The following PPFIA2 variants were observed in gnomAD, a reference collection of about 807,000 sequenced individuals.
PPFIA2 encodes the protein liprin-alpha-2.
A neutral mutation model predicts 175.5 loss-of-function variants in PPFIA2; 46 were observed. The observed-to-expected ratio is 0.26, with a 90% CI of 0.21 to 0.34. The LOEUF is 0.34. Ranked by LOEUF, PPFIA2 falls within the 10% of genes least tolerant of loss-of-function variation. The pLI is 1.00. For synonymous variants in PPFIA2, 568 were observed against 511.4 expected, an observed-to-expected ratio of 1.11 and a Z score of -1.49; for missense variants, 1,179 against 1,506.1, an observed-to-expected ratio of 0.78 and a Z score of 3.60.
At chr12:81,302,092 C>A in intron 22 of PPFIA2, 2 of 305,886 alleles carry the variant, frequency 6.5e-6, no homozygotes, top group East Asian at 9.8e-5. Context: ...AACAAAATGC[C>A]AATCAGTGTT....
At chr12:81,436,326 A>G (rs2049012276) in intron 7 of PPFIA2, among the ~76,000 whole-genome samples, 1 of 133,256 alleles carries the variant, frequency 7.5e-6, no homozygotes, top group East Asian at 2.2e-4. Flanking sequence ...AAAAAAAAAA[A>G]AAAGTTAAAT....
chr12:81,676,823 C>A lies in PPFIA2; in HGVS notation c.271G>T (p.Gly91Trp). ...TCAGCCCCCTTAGAACCAGCCAGCC[C>A]TCCTGTTAGGGATTCGATATCCTGA... is the stretch of plus-strand genomic sequence containing the variant. The part of the protein sequence containing the change: ...LPQDIESLTG[G>W]LAGSKGADPP... Residue 91 changes from glycine (G) to tryptophan (W), a missense_variant, in exon 4 of 33, where the codon GGG (glycine) becomes TGG (tryptophan). By Grantham distance (184) the Gly-to-Trp change is radical. This residue lies in a region of PPFIA2 where 128 missense variants were observed against 141.4 expected (regional missense o/e 0.91). Transcript: ENST00000549396. 1 of 1,563,792 alleles carries A rather than the reference C, an allele frequency of 6.4e-7. No individual in the cohort carries two copies.
chr12:81,501,328 C>G (rs2060575006), intron 4 of PPFIA2, among the ~76,000 whole-genome samples: 1 of 152,268 alleles, frequency 6.6e-6, no homozygotes, highest in Non-Finnish European at 1.5e-5. Context: ...TTAGATGCCC[C>G]CTTCTCATCA....
At chr12:81,536,764 A>ATG (rs1393278546) in intron 4 of PPFIA2, among the ~76,000 whole-genome samples, 1 of 146,202 alleles carries the variant, frequency 6.8e-6, no homozygotes, top group Non-Finnish European at 1.5e-5. Flanking sequence ...ATATATATAT[A>ATG]TATAGTTTTG....
chr12:81,728,618 C>T (rs12311581), intron 3 of PPFIA2, among the ~76,000 whole-genome samples: 12 of 151,298 alleles, frequency 7.9e-5, no homozygotes, highest in Non-Finnish European at 1.0e-4. Flanking sequence ...CCTTGTATTT[C>T]CTATAGATTA....
intron 4 of PPFIA2, among the ~76,000 whole-genome samples, chr12:81,647,273 G>C (rs1012906501): frequency 1.3e-5 from 2 of 152,058 alleles, no homozygotes; most frequent in African/African-American, 4.8e-5. Flanking sequence ...CCACACTGAA[G>C]CATATTGAGA....
chr12:81,703,554 C>T (rs567584027), intron 3 of PPFIA2, among the ~76,000 whole-genome samples: 1 of 152,134 alleles, frequency 6.6e-6, no homozygotes, highest in Non-Finnish European at 1.5e-5. Context: ...TCACTGTTAT[C>T]ACATTCACCC....
intron 14 of PPFIA2, 100 bp from the exon 15 acceptor site, chr12:81,362,884 A>G (rs2031459213): frequency 1.5e-6 from 1 of 685,544 alleles, no homozygotes; most frequent in Admixed American, 2.9e-5. Flanking sequence ...AAAACTGAGG[A>G]TATATTTTTA....
At position 81,410,348 on chromosome 12, in the gene PPFIA2, C is replaced by T. The variant is rs117696425; in HGVS notation, c.646-4445G>A. ...GCTCCCCTTTTAAATTTGGGGTCTA[C>T]TAAATCAGAAGTTAATAGCGGGCTG... On this transcript the variant is annotated intron_variant, in intron 7 of 32. Transcript: ENST00000549396. Among the ~76,000 whole-genome samples, 229 of 152,154 alleles carry T rather than the reference C, an allele frequency of 1.5e-3. 3 individuals are homozygous for T. The East Asian group carries it at 0.028, about 19-fold the overall frequency.
chr12:81,352,984 C>T (rs369843067), intron 17 of PPFIA2, 135 bp downstream of exon 17: 31 of 692,296 alleles, frequency 4.5e-5, no homozygotes, highest in African/African-American at 9.0e-5. Flanking sequence ...TCAGTGTGTA[C>T]GGGGTGAGGT....
At chr12:81,546,502 C>T (rs533199345) in intron 4 of PPFIA2, 18 of 152,128 alleles carry the variant, frequency 1.2e-4, no homozygotes, top group African/African-American at 2.2e-4. Context: ...ATTTCCCCGC[C>T]GTAGAATTAC....
chr12:81,477,524 A>G (rs1195609307), intron 4 of PPFIA2, among the ~76,000 whole-genome samples: 1 of 152,168 alleles, frequency 6.6e-6, no homozygotes, highest in East Asian at 1.9e-4. Context: ...ATTCTGTATG[A>G]TATTGGCTGT....
chr12:81,377,685 C>A (rs143418336), intron 9 of PPFIA2, among the ~76,000 whole-genome samples: 1 of 152,142 alleles, frequency 6.6e-6, no homozygotes, highest in Non-Finnish European at 1.5e-5. Flanking sequence ...TTTTCCTCCA[C>A]GCTGCTGCCT....
intron 23 of PPFIA2, among the ~76,000 whole-genome samples, chr12:81,296,379 CAATT>C (rs1263877627): frequency 6.6e-6 from 1 of 152,130 alleles, no homozygotes; most frequent in Non-Finnish European, 1.5e-5. Context: ...TCTTGAAAGA[CAATT>C]AAACCAGCAG....
At chr12:81,577,657 G>C (rs2073788299) in intron 4 of PPFIA2, among the ~76,000 whole-genome samples, 1 of 151,776 alleles carries the variant, frequency 6.6e-6, no homozygotes, top group Non-Finnish European at 1.5e-5. Flanking sequence ...AAAGTATTTA[G>C]GTAAAGTGAG....
In PPFIA2 at chr12:81,707,964, T is replaced by C. The variant is rs184136351; in HGVS notation, c.250-31120A>G. Among the ~76,000 whole-genome samples, 758 of 143,412 alleles carry C rather than the reference T, an allele frequency of 5.3e-3. 7 individuals carry two copies. The highest frequency in any genetic ancestry group is 0.019 in the African/African-American group (727 of 38,458). The allele number at this position is 143,412 out of a possible 152,430, so 94.1% of individuals were successfully genotyped here. A position where few individuals can be genotyped will look rare whatever the true frequency, so the allele number is the denominator to read the frequency against. ...ACATATTCTCACTCATAGGTGGGAA[T>C]TGAACAATGACAACACATGGACGCA... On this transcript the variant is annotated intron_variant, in intron 3 of 32. Coordinates refer to ENST00000549396, the MANE Select transcript of PPFIA2 (RefSeq NM_003625.5).
chr12:81,335,889 G>A lies in PPFIA2; in HGVS notation c.2548+3291C>T, dbSNP rs1024968502. On this transcript the variant is annotated intron_variant, in intron 21 of 32. Transcript: ENST00000549396. The stretch of plus-strand genomic sequence containing the variant: ...TAGGTGGGTTTCCCTAAATTCAATT[G>A]TGGCCTTCAGGTAAACTTGGCTTAA... 1.1e-4 allele frequency among the ~76,000 whole-genome samples: 16 copies of A among 152,142 alleles called. 1 individual carries two copies. The highest frequency in any genetic ancestry group is 6.5e-4 in the Admixed American group (10 of 15,274).
intron 3 of PPFIA2, among the ~76,000 whole-genome samples, chr12:81,728,979 C>A (rs1343629245): frequency 6.6e-6 from 1 of 151,378 alleles, no homozygotes; most frequent in East Asian, 1.9e-4. Flanking sequence ...AATAAAACCA[C>A]ATATTTATAC....
chr12:81,700,617 T>C (rs1315667354), intron 3 of PPFIA2, among the ~76,000 whole-genome samples: 1 of 152,106 alleles, frequency 6.6e-6, no homozygotes, highest in African/African-American at 2.4e-5. Context: ...AGATTACTAG[T>C]TCCACTTCTG....
Sources: gnomAD v4.1 joint callset for allele counts (sites outside exome capture counted in the v4.1 genomes callset) on GRCh38, gnomAD v4.1.1 for gene constraint, gnomAD v4.1.1 regional missense constraint, MANE v1.5 for transcripts, NCBI Gene and HGNC (gene_info 2026-07-23, HGNC 2026-07-21) for gene names.